The following GSN variants were observed in gnomAD, a reference collection of about 807,000 sequenced individuals.
The protein encoded by GSN is gelsolin, also known as actin-depolymerizing factor.
Under a neutral mutation model 85.7 loss-of-function variants are expected in GSN, and 56 were observed. The observed-to-expected ratio is 0.65, with a 90% CI of 0.53 to 0.82. GSN has a LOEUF of 0.82. Ranked by LOEUF, GSN falls within the 40% of genes least tolerant of loss-of-function variation. The probability of loss-of-function intolerance (pLI) is 0.00; values close to 1 mark genes in which losing one functional copy is unlikely to be tolerated. For synonymous variants in GSN, 373 were observed against 399.1 expected (o/e 0.93, Z 0.78); for missense variants, 857 against 979.8 (o/e 0.87, Z 1.67).
chr9:121,315,285 GTATTT>G (rs138673144), intron 7 of GSN, among the ~76,000 whole-genome samples: 1 of 152,294 alleles, frequency 6.6e-6, no homozygotes, highest in African/African-American at 2.4e-5. Flanking sequence ...CAGCTGTATA[GTATTT>G]TATTTTATGA....
chr9:121,256,629 G>A (rs1048819162), intron 6 of GSN, among the ~76,000 whole-genome samples: 1 of 152,126 alleles, frequency 6.6e-6, no homozygotes, highest in Non-Finnish European at 1.5e-5. Flanking sequence ...TGTAATCCCA[G>A]CACTTTGGGA....
upstream of GSN, among the ~76,000 whole-genome samples, chr9:121,263,734 T>C (rs2055136005): frequency 6.6e-6 from 1 of 151,848 alleles, no homozygotes; most frequent in Non-Finnish European, 1.5e-5. Flanking sequence ...CTACTAAAAA[T>C]ACAAAATTAG....
chr9:121,207,363 A>G (rs1366748964), upstream of GSN, among the ~76,000 whole-genome samples: 2 of 152,208 alleles, frequency 1.3e-5, no homozygotes, highest in East Asian at 3.9e-4. Context: ...GGGCAGTGAT[A>G]TGAAGGGGTA....
Position 121,300,229 on chromosome 9 carries a change from G to C in GSN, c.-9-1734G>C, listed in dbSNP as rs557413443. The stretch of plus-strand genomic sequence containing the variant: ...CAGGAAGCTAACCTCACCTTGGCCG[G>C]ATTTCTTTTCCCCTGTCCTCCTCTA... On this transcript the variant is annotated intron_variant, in intron 2 of 17. Coordinates refer to ENST00000432226, the MANE Select transcript of GSN (RefSeq NM_198252.3). The C allele has an allele frequency of 1.3e-5, 10 of 794,850 alleles. No homozygotes were observed. The African/African-American group carries it at 1.5e-4, about 12-fold the overall frequency. The allele number at this position is 794,850 out of a possible 1,614,324, so 49.2% of individuals were successfully genotyped here. A position where few individuals can be genotyped will look rare whatever the true frequency, so the allele number is the denominator to read the frequency against.
chr9:121,309,452 A>G (rs1442852314), intron 4 of GSN: 1 of 152,176 alleles, frequency 6.6e-6, no homozygotes, highest in Admixed American at 6.5e-5. Context: ...AAAGCCATCC[A>G]GCATTGTTGT....
chr9:121,238,873 T>C, intron 5 of GSN: 1 of 530,916 alleles, frequency 1.9e-6, no homozygotes, highest in South Asian at 1.4e-5. Flanking sequence ...TCCTTCCCAA[T>C]AGCTTGCCTA....
At chr9:121,311,151 C>T in intron 5 of GSN, 1 of 425,264 alleles carries the variant, frequency 2.4e-6, no homozygotes. Flanking sequence ...ACACTCTGGG[C>T]TTTTGCCCAC....
chr9:121,216,107 C>G (rs2054059336), intron 4 of GSN, among the ~76,000 whole-genome samples: 2 of 152,092 alleles, frequency 1.3e-5, no homozygotes, highest in African/African-American at 4.8e-5. Context: ...GCCAGCAGGC[C>G]TGGCTAATTT....
At chr9:121,231,572 A>C (rs1182148667) in intron 5 of GSN, among the ~76,000 whole-genome samples, 1 of 152,192 alleles carries the variant, frequency 6.6e-6, no homozygotes, top group African/African-American at 2.4e-5. Context: ...ACAAAATAAC[A>C]GTAATGTCAG....
intron 5 of GSN, chr9:121,238,626 T>C (rs549907354): frequency 7.3e-6 from 2 of 272,538 alleles, no homozygotes; most frequent in African/African-American, 4.4e-5. Flanking sequence ...TATGTAGATA[T>C]CTATCCTATT....
chr9:121,324,603 A>G lies in GSN; in HGVS notation c.1375A>G (p.Thr459Ala), dbSNP rs1252438083. 2 of 1,546,554 alleles carry G rather than the reference A, an allele frequency of 1.3e-6. No individual in the cohort carries two copies. The highest frequency in any genetic ancestry group is 1.7e-6 in the Non-Finnish European group (2 of 1,144,200). ...QDEVAASAILTAQLDEELGGT... is the reference protein window; with the variant it reads ...QDEVAASAILAAQLDEELGGT... ...TGAGGTCGCTGCATCTGCCATCCTG[A>G]CTGCTCAGCTGGATGAGGAGCTGGG... Residue 459 changes from threonine to alanine, a missense_variant, in exon 12 of 18, where the codon ACT (threonine) becomes GCT (alanine). Transcript: ENST00000432226.
At chr9:121,317,518 C>G (rs2061858814) in intron 8 of GSN, 2 of 408,568 alleles carry the variant, frequency 4.9e-6, no homozygotes, top group East Asian at 1.1e-4. Flanking sequence ...TAGAAAACAT[C>G]TAACTGTATG....
At chr9:121,287,757 AT>A (rs1469356459) in intron 2 of GSN, among the ~76,000 whole-genome samples, 2 of 151,910 alleles carry the variant, frequency 1.3e-5, no homozygotes, top group African/African-American at 2.4e-5. Flanking sequence ...AAATTTACAT[AT>A]AATTTACATA....
chr9:121,286,186 G>T lies in GSN; in HGVS notation c.-10+4624G>T, dbSNP rs114410565. On this transcript the variant is annotated intron_variant, in intron 2 of 17. Transcript: ENST00000432226. The stretch of plus-strand genomic sequence containing the variant: ...CCTCAGGGGCAATTCTGACCCATGG[G>T]TGAGTAGCACGGGATCTGGGGTGGT... 305 of 1,527,806 alleles carry T rather than the reference G, an allele frequency of 2.0e-4. No homozygotes were observed. The African/African-American group carries it at 3.7e-3, about 18-fold the overall frequency. The allele number at this position is 1,527,806 out of a possible 1,614,324, so 94.6% of individuals were successfully genotyped here.
intron 1 of GSN, among the ~76,000 whole-genome samples, chr9:121,276,780 C>T (rs1024107871): frequency 8.8e-5 from 13 of 146,918 alleles, no homozygotes; most frequent in Admixed American, 2.7e-4. Context: ...TGGTGGTGGT[C>T]GGGTCCTGTA....
chr9:121,210,009 A>G (rs934681011), intron 2 of GSN, among the ~76,000 whole-genome samples: 4 of 152,224 alleles, frequency 2.6e-5, no homozygotes, highest in African/African-American at 9.7e-5. Flanking sequence ...TACATGCACA[A>G]TAGACCAGTC....
intron 8 of GSN, 124 bp downstream of exon 8, chr9:121,317,342 C>T: frequency 9.0e-7 from 1 of 1,114,466 alleles, no homozygotes; most frequent in Non-Finnish European, 1.4e-6. Flanking sequence ...AATCAGAAGT[C>T]TTGGGCTGAG....
chr9:121,299,751 C>T lies in GSN; in HGVS notation c.-9-2212C>T, dbSNP rs1348374755. On this transcript the variant is annotated intron_variant, in intron 2 of 17. Transcript: ENST00000432226. The surrounding 1 kb of genome is among the most constrained non-coding windows in gnomAD (Gnocchi z 4.2). ...AGATCCGAGACAGATCCCCGCCCCG[C>T]GCCCTCCCTGGGGGGCGGTCCCCGG... The T allele has an allele frequency of 3.5e-6, 4 of 1,130,842 alleles. No homozygotes were observed. Among genetic ancestry groups the T allele is most frequent in the Non-Finnish European group, 4.4e-6 (4 of 907,142 alleles). 70.1% of individuals were successfully genotyped at this position (1,130,842 alleles called of 1,614,324 possible). A position where few individuals can be genotyped will look rare whatever the true frequency, so the allele number is the denominator to read the frequency against.
At chr9:121,327,272 G>T in intron 13 of GSN, 36 bp from the exon 14 acceptor site, 2 of 1,587,884 alleles carry the variant, frequency 1.3e-6, no homozygotes, top group Admixed American at 1.7e-5. Flanking sequence ...AGGGCTTTTT[G>T]TCTGGTTCCT....
Sources: gnomAD v4.1 joint callset for allele counts (sites outside exome capture counted in the v4.1 genomes callset) on GRCh38, gnomAD v4.1.1 for gene constraint, Gnocchi (gnomAD v3.1) non-coding constraint, MANE v1.5 for transcripts, NCBI Gene and HGNC (gene_info 2026-07-23, HGNC 2026-07-21) for gene names.